The following LAMC1 variants were observed in gnomAD, a reference collection of about 807,000 sequenced individuals.
LAMC1 encodes the protein laminin subunit gamma 1, also known as laminin subunit gamma-1.
Under a neutral mutation model 173.6 loss-of-function variants are expected in LAMC1, and 38 were observed. That is an observed-to-expected ratio of 0.22 (90% confidence interval 0.17 to 0.29). The LOEUF (loss-of-function observed/expected upper bound fraction) is 0.29. Among genes scored for constraint, LAMC1 ranks in the 10% least tolerant of loss-of-function variants. The pLI is 1.00. For missense variants in LAMC1, 1,824 were observed against 2,051.8 expected (o/e 0.89, Z 2.14); for synonymous variants, 746 against 749.1 (o/e 1.00, Z 0.07).
Position 183,120,023 on chromosome 1 carries a change from G to A in LAMC1, c.1991-1700G>A, listed in dbSNP as rs551448031. 9.2e-5 allele frequency among the ~76,000 whole-genome samples: 14 copies of A among 152,010 alleles called. No individual in the cohort carries two copies. The South Asian group carries it at 2.3e-3, about 25-fold the overall frequency. Reference sequence around the variant, plus strand: ...CTGTCTCTATAAATCAAAAAAATTAGCTGGGCATGGTGGCACACACCTGTG... The same window carrying A: ...CTGTCTCTATAAATCAAAAAAATTAACTGGGCATGGTGGCACACACCTGTG... On this transcript the variant is annotated intron_variant, in intron 11 of 27. Coordinates refer to ENST00000258341, the MANE Select transcript of LAMC1 (RefSeq NM_002293.4).
chr1:183,074,527 T>C (rs2102043567), intron 1 of LAMC1, among the ~76,000 whole-genome samples: 1 of 152,284 alleles, frequency 6.6e-6, no homozygotes, highest in African/African-American at 2.4e-5. Context: ...AAGGCTGCAG[T>C]CTGTAAGGAC....
chr1:183,084,708 A>G (rs915999445), intron 1 of LAMC1, among the ~76,000 whole-genome samples: 7 of 152,214 alleles, frequency 4.6e-5, no homozygotes, highest in East Asian at 1.9e-4. Context: ...CTCTGTCCCT[A>G]TCTGTACATG....
At chr1:183,069,005 G>A (rs1225028628) in intron 1 of LAMC1, among the ~76,000 whole-genome samples, 1 of 152,040 alleles carries the variant, frequency 6.6e-6, no homozygotes, top group East Asian at 1.9e-4. Flanking sequence ...AACCTTTTTG[G>A]CACCAGGGAC....
chr1:183,110,034 C>A (rs532915236), intron 3 of LAMC1, among the ~76,000 whole-genome samples: 20 of 152,316 alleles, frequency 1.3e-4, no homozygotes, highest in South Asian at 1.2e-3. Context: ...AAATAAAGCA[C>A]TCCTTGATCT....
chr1:183,024,933 G>T (rs139971810), intron 1 of LAMC1, among the ~76,000 whole-genome samples: 6 of 152,350 alleles, frequency 3.9e-5, no homozygotes, highest in African/African-American at 1.2e-4. Context: ...CAGGGCAGTG[G>T]ATTGAGGATG....
chr1:183,104,501 C>G (rs1655916465), intron 2 of LAMC1, among the ~76,000 whole-genome samples: 1 of 152,146 alleles, frequency 6.6e-6, no homozygotes, highest in Admixed American at 6.5e-5. Context: ...ATGGGGATAG[C>G]CTTTGTCAGT....
chr1:183,051,313 A>G (rs938210122), intron 1 of LAMC1, among the ~76,000 whole-genome samples: 1 of 152,196 alleles, frequency 6.6e-6, no homozygotes, highest in South Asian at 2.1e-4. Flanking sequence ...AAGTTCAACT[A>G]TCCTGAGACC....
At chr1:183,037,225 A>G (rs574027160) in intron 1 of LAMC1, among the ~76,000 whole-genome samples, 2 of 152,342 alleles carry the variant, frequency 1.3e-5, no homozygotes, top group South Asian at 4.1e-4. Context: ...TGACAGGAAA[A>G]GTGTACCCTA....
chr1:183,117,649 C>A lies in LAMC1; in HGVS notation c.1803C>A (p.Gly601=). ...AAGACCTTGTGCTTGAGGGAGCTGG[C>A]TTAAGAGTATCTGTACCCTTGATCG... The part of the protein sequence containing the change: ...SAEDLVLEGA[G]LRVSVPLIAQ... Residue 601 remains glycine, a synonymous_variant, in exon 10 of 28, where the codon GGC becomes GGA. Transcript: ENST00000258341. 1 of 1,614,196 alleles carries A rather than the reference C, an allele frequency of 6.2e-7. No homozygotes were observed. The highest frequency in any genetic ancestry group is 8.5e-7 in the Non-Finnish European group (1 of 1,180,024).
intron 1 of LAMC1, among the ~76,000 whole-genome samples, chr1:183,095,443 T>A (rs1299849083): frequency 6.6e-6 from 1 of 152,210 alleles, no homozygotes; most frequent in Non-Finnish European, 1.5e-5. Flanking sequence ...CCCACACAAT[T>A]ATGGTGTCTT....
intron 1 of LAMC1, among the ~76,000 whole-genome samples, chr1:183,103,072 G>A (rs747596159): frequency 9.2e-5 from 14 of 152,202 alleles, no homozygotes; most frequent in South Asian, 2.1e-4. Flanking sequence ...AACATACGCC[G>A]CCAGTTTTCA....
chr1:183,101,928 C>T (rs142558949), intron 1 of LAMC1, among the ~76,000 whole-genome samples: 1 of 152,304 alleles, frequency 6.6e-6, no homozygotes, highest in Non-Finnish European at 1.5e-5. Flanking sequence ...ATAGAGAACG[C>T]TCAGTTGAAG....
intron 1 of LAMC1, among the ~76,000 whole-genome samples, chr1:183,040,692 C>T (rs947474457): frequency 5.9e-5 from 9 of 152,076 alleles, no homozygotes; most frequent in East Asian, 1.9e-4. Context: ...GGCTGTAACC[C>T]GGGGTGAGCA....
chr1:183,137,888 T>TC, intron 26 of LAMC1, 61 bp downstream of exon 26: 1 of 1,360,298 alleles, frequency 7.4e-7, no homozygotes, highest in Non-Finnish European at 9.8e-7. Flanking sequence ...ATAATAAAGA[T>TC]CCCCCACTTG....
intron 1 of LAMC1, among the ~76,000 whole-genome samples, chr1:183,068,129 T>G (rs1353740923): frequency 6.6e-6 from 1 of 152,180 alleles, no homozygotes; most frequent in Non-Finnish European, 1.5e-5. Context: ...ACTGAGTTTC[T>G]TAGTACCAAA....
rs1281884309 is a variant in LAMC1 at position 183,144,593 on chromosome 1, C to T, written c.*1803C>T. The T allele has an allele frequency of 6.6e-6, 1 of 152,184 alleles. No individual in the cohort carries two copies. The highest frequency in any genetic ancestry group is 2.4e-5 in the African/African-American group (1 of 41,442). The allele number at this position is 152,184 out of a possible 1,614,324, so 9.4% of individuals were successfully genotyped here. On this transcript the variant is annotated 3_prime_UTR_variant, in exon 28 of 28. Coordinates refer to ENST00000258341, the MANE Select transcript of LAMC1 (RefSeq NM_002293.4). ...TTGCAGTCCTGATGATCCTAACCTG[C>T]AGCACGGTGGTTTTACAATGTTCCA...
At position 183,124,817 on chromosome 1, in the gene LAMC1, G is replaced by A. The variant is rs759214970; in HGVS notation, c.2588G>A (p.Arg863Gln). The A allele has an allele frequency of 8.1e-6, 13 of 1,614,012 alleles. No individual in the cohort carries two copies. Among genetic ancestry groups the A allele is most frequent in the Admixed American group, 1.7e-5 (1 of 60,002 alleles). ...AACACTGCTGGCTTCTATTGTGACC[G>A]GTGCAAAGACGGATTTTTTGGAAAT... Reference protein sequence around the residue: ...IYNTAGFYCDRCKDGFFGNPL... With the variant: ...IYNTAGFYCDQCKDGFFGNPL... Residue 863 changes from arginine to glutamine, a missense_variant, in exon 14 of 28, where the codon CGG becomes CAG. By Grantham distance (43) the Arg-to-Gln change is conservative. Transcript: ENST00000258341.
chr1:183,137,259 G>A (rs2102112425), intron 25 of LAMC1, among the ~76,000 whole-genome samples: 1 of 152,220 alleles, frequency 6.6e-6, no homozygotes, highest in African/African-American at 2.4e-5. Flanking sequence ...ACATTATGAT[G>A]AACTGCCAAG....
chr1:183,031,730 A>C (rs1653854721), intron 1 of LAMC1, among the ~76,000 whole-genome samples: 1 of 152,106 alleles, frequency 6.6e-6, no homozygotes. Flanking sequence ...ACTGCTGAAA[A>C]TTTCTGAGAA....
Sources: gnomAD v4.1 joint callset for allele counts (sites outside exome capture counted in the v4.1 genomes callset) on GRCh38, gnomAD v4.1.1 for gene constraint, MANE v1.5 for transcripts, NCBI Gene and HGNC (gene_info 2026-07-23, HGNC 2026-07-21) for gene names.